The following WASL variants were observed in gnomAD, a reference collection of about 807,000 sequenced individuals.
WASL encodes the protein actin nucleation-promoting factor WASL.
A neutral mutation model predicts 55.5 loss-of-function variants in WASL; 20 were observed. The observed-to-expected ratio is 0.36, with a 90% CI of 0.25 to 0.52. The LOEUF (loss-of-function observed/expected upper bound fraction) is 0.52, where lower values mean the gene tolerates loss of function less well. Ranked by LOEUF, WASL falls within the 20% of genes least tolerant of loss-of-function variation. The pLI, the probability that WASL is intolerant of heterozygous loss-of-function variation, is 0.92. For synonymous variants in WASL, 249 were observed against 217.6 expected (o/e 1.14, Z -1.27); for missense variants, 504 against 622.5 (o/e 0.81, Z 2.03).
chr7:123,682,489 A>G lies in WASL; in HGVS notation c.*2030T>C, dbSNP rs918530974. On this transcript the variant is annotated 3_prime_UTR_variant, in exon 11 of 11. Coordinates refer to ENST00000223023, the MANE Select transcript of WASL (RefSeq NM_003941.4). ...TGTTTAAAATTGTGCTTTGAACTCGAAGAATGGGTACTCTCTGCTGAGAGA... is the reference window on the plus strand; with the variant it reads ...TGTTTAAAATTGTGCTTTGAACTCGGAGAATGGGTACTCTCTGCTGAGAGA... 60 of 152,134 alleles carry G rather than the reference A, an allele frequency of 3.9e-4. No homozygotes were observed. The highest frequency in any genetic ancestry group is 1.3e-3 in the African/African-American group (54 of 41,432). The allele number at this position is 152,134 out of a possible 1,614,324, so 9.4% of individuals were successfully genotyped here. A position where few individuals can be genotyped will look rare whatever the true frequency, so the allele number is the denominator to read the frequency against.
rs566824970 is a variant in WASL at position 123,690,612 on chromosome 7, T to A, written c.1348-1462A>T. ...ACATCAATTAACAGGTTTTGCTGCT[T>A]CTTTTTTTTTTTTTGGAAAGAAAGG... On this transcript the variant is annotated intron_variant, in intron 9 of 10. Coordinates refer to ENST00000223023, the MANE Select transcript of WASL (RefSeq NM_003941.4). 8.1e-5 allele frequency among the ~76,000 whole-genome samples: 4 copies of A among 49,254 alleles called. No homozygotes were observed. In the South Asian group the frequency reaches 4.1e-3, roughly 50 times the overall value. The allele number at this position is 49,254 out of a possible 152,430, so 32.3% of individuals were successfully genotyped here.
intron 1 of WASL, among the ~76,000 whole-genome samples, chr7:123,739,496 A>G (rs1475748310): frequency 6.6e-6 from 1 of 152,084 alleles, no homozygotes; most frequent in Non-Finnish European, 1.5e-5. Context: ...CCATGCAACC[A>G]TTTAGTTTTG....
intron 1 of WASL, among the ~76,000 whole-genome samples, chr7:123,737,531 C>CT: frequency 6.9e-6 from 1 of 144,936 alleles, no homozygotes; most frequent in East Asian, 2.0e-4. Context: ...GGAGGTGGAG[C>CT]TTGCAGTGAG....
In WASL at chr7:123,748,712, G is replaced by A; in HGVS notation, c.23C>T (p.Pro8Leu). Residue 8 changes from proline (P) to leucine (L), a missense_variant, in exon 1 of 11, where the codon CCG becomes CTG. Coordinates refer to ENST00000223023, the MANE Select transcript of WASL (RefSeq NM_003941.4). ...GTTGGTGACCCTCCGCGGCGGCGGCGGCTGCTGCTGGACGGAGCTCATGGT... is the reference window on the plus strand; with the variant it reads ...GTTGGTGACCCTCCGCGGCGGCGGCAGCTGCTGCTGGACGGAGCTCATGGT... MSSVQQQ[P>L]PPPRRVTNVG... 6.2e-7 allele frequency: 1 copy of A among 1,603,274 alleles called. No individual in the cohort carries two copies. The highest frequency in any genetic ancestry group is 1.7e-5 in the Admixed American group (1 of 59,010).
Position 123,748,692 on chromosome 7 carries a change from T to G in WASL, c.43A>C (p.Thr15Pro). The change falls in exon 1 of 11, where the codon ACC (threonine) becomes CCC (proline). Residue 15 changes from threonine to proline, a missense_variant. Coordinates refer to ENST00000223023, the MANE Select transcript of WASL (RefSeq NM_003941.4). Reference protein sequence around the residue: ...QQQPPPPRRVTNVGSLLLTPQ... With the variant: ...QQQPPPPRRVPNVGSLLLTPQ... ...GTGAGCAACAGGGACCCCACGTTGG[T>G]GACCCTCCGCGGCGGCGGCGGCTGC... The G allele has an allele frequency of 3.7e-6, 6 of 1,611,188 alleles. No homozygotes were observed. Among genetic ancestry groups the G allele is most frequent in the Non-Finnish European group, 5.1e-6 (6 of 1,178,890 alleles).
Position 123,703,537 on chromosome 7 carries a change from A to C in WASL, c.460+1097T>G, listed in dbSNP as rs62472076. Among the ~76,000 whole-genome samples, 106 of 152,216 alleles carry C rather than the reference A, an allele frequency of 7.0e-4. 1 individual carries two copies. Among genetic ancestry groups the C allele is most frequent in the Non-Finnish European group, 1.3e-3 (89 of 68,034 alleles). ...ATTAATATTTCTATTCAAAAGAAAA[A>C]GTGAAACTATACAATATTTGGTACC... On this transcript the variant is annotated intron_variant, in intron 5 of 10. Coordinates refer to ENST00000223023, the MANE Select transcript of WASL (RefSeq NM_003941.4).
At chr7:123,700,203 A>AAAAAAAAAC (rs1562959037) in intron 5 of WASL, among the ~76,000 whole-genome samples, 2 of 72,000 alleles carry the variant, frequency 2.8e-5, no homozygotes, top group African/African-American at 1.0e-4. Context: ...AAAAAAAAAA[A>AAAAAAAAAC]AAAACAACAT....
rs1453351885 is a variant in WASL, at chr7:123,696,567, G to T, written c.629+12C>A. 2.6e-6 allele frequency: 4 copies of T among 1,551,350 alleles called. No homozygotes were observed. The highest frequency in any genetic ancestry group is 2.8e-5 in the African/African-American group (2 of 71,802). ...AAAAGTGAAGATAAGAACAACAAAA[G>T]AACTGTCTTACTGGAAATTGCTTGG... On this transcript the variant is annotated intron_variant, in intron 6 of 10. Transcript: ENST00000223023.
intron 1 of WASL, among the ~76,000 whole-genome samples, chr7:123,710,451 G>A (rs1375770283): frequency 6.6e-6 from 1 of 152,124 alleles, no homozygotes; most frequent in South Asian, 2.1e-4. Flanking sequence ...GCTGTTTTAG[G>A]TTTACTGAAC....
In WASL at chr7:123,694,699, T is replaced by A; in HGVS notation, c.826+16A>T. ...GATTAAAACAAAACAGAACGCTGAA[T>A]AGAGATAAAAGTTACCTTGCCTCCG... On this transcript the variant is annotated intron_variant, in intron 8 of 10. Coordinates refer to ENST00000223023, the MANE Select transcript of WASL (RefSeq NM_003941.4). The A allele has an allele frequency of 6.2e-7, 1 of 1,611,390 alleles. No individual in the cohort carries two copies. The highest frequency in any genetic ancestry group is 2.2e-5 in the East Asian group (1 of 44,742).
intron 1 of WASL, among the ~76,000 whole-genome samples, chr7:123,730,829 A>G (rs969027406): frequency 2.0e-5 from 3 of 152,184 alleles, no homozygotes; most frequent in African/African-American, 7.2e-5. Context: ...TTCAGGGAGT[A>G]CATGTGCAGG....
intron 1 of WASL, among the ~76,000 whole-genome samples, chr7:123,710,252 T>A (rs1052987497): frequency 7.3e-5 from 11 of 151,320 alleles, no homozygotes; most frequent in African/African-American, 2.7e-4. Flanking sequence ...AAGAAAATCA[T>A]TTAGAATATA....
At chr7:123,743,594 G>A (rs1401309343) in intron 1 of WASL, among the ~76,000 whole-genome samples, 2 of 152,126 alleles carry the variant, frequency 1.3e-5, no homozygotes, top group East Asian at 1.9e-4. Context: ...ACAATATAGA[G>A]CTGAAAATTT....
intron 1 of WASL, among the ~76,000 whole-genome samples, chr7:123,711,230 C>T (rs1803750208): frequency 6.6e-6 from 1 of 151,884 alleles, no homozygotes; most frequent in African/African-American, 2.4e-5. Context: ...TATAAATATT[C>T]ACGTTGTAAA....
intron 5 of WASL, 87 bp downstream of exon 5, chr7:123,704,547 A>T: frequency 9.3e-7 from 1 of 1,075,620 alleles, no homozygotes; most frequent in Non-Finnish European, 1.3e-6. Flanking sequence ...AAAGATACTA[A>T]ATATTACTAA....
At chr7:123,740,788 G>T (rs1012732801) in intron 1 of WASL, among the ~76,000 whole-genome samples, 6 of 152,018 alleles carry the variant, frequency 3.9e-5, no homozygotes, top group Admixed American at 2.0e-4. Flanking sequence ...TTAGGTCTAT[G>T]TTGCCCACGC....
intron 1 of WASL, among the ~76,000 whole-genome samples, chr7:123,737,660 G>A (rs1272851617): frequency 6.6e-6 from 1 of 150,786 alleles, no homozygotes; most frequent in Non-Finnish European, 1.5e-5. Context: ...AATGGTGTTG[G>A]GACAACTAGC....
chr7:123,702,323 T>C (rs1803604252), intron 5 of WASL, among the ~76,000 whole-genome samples: 1 of 152,206 alleles, frequency 6.6e-6, no homozygotes, highest in Non-Finnish European at 1.5e-5. Flanking sequence ...CCCAAAGTGC[T>C]GGGATTACAG....
At chr7:123,721,816 G>A (rs939242523) in intron 1 of WASL, among the ~76,000 whole-genome samples, 4 of 152,154 alleles carry the variant, frequency 2.6e-5, no homozygotes, top group African/African-American at 9.7e-5. Context: ...CTACTCAGGA[G>A]GCTGAGGCAA....
Sources: gnomAD v4.1 joint callset for allele counts (sites outside exome capture counted in the v4.1 genomes callset) on GRCh38, gnomAD v4.1.1 for gene constraint, MANE v1.5 for transcripts, NCBI Gene and HGNC (gene_info 2026-07-23, HGNC 2026-07-21) for gene names.